DAGLA: variants seen among roughly 807,000 people sequenced by gnomAD.
DAGLA encodes diacylglycerol lipase alpha, also known as diacylglycerol lipase-alpha.
A neutral mutation model predicts 102.6 loss-of-function variants in DAGLA; 22 were observed. That is an observed-to-expected ratio of 0.21 (90% CI 0.15 to 0.31). DAGLA has a LOEUF of 0.31. Ranked by LOEUF, DAGLA falls within the 10% of genes least tolerant of loss-of-function variation. The pLI, the probability that DAGLA is intolerant of heterozygous loss-of-function variation, is 1.00. For missense variants in DAGLA, 927 were observed against 1,446.6 expected, an observed-to-expected ratio of 0.64 and a Z score of 5.83; for synonymous variants, 578 against 628.9, an observed-to-expected ratio of 0.92 and a Z score of 1.21.
At chr11:61,720,369 G>A in intron 2 of DAGLA, 119 bp downstream of exon 2, 1 of 991,504 alleles carries the variant, frequency 1.0e-6, no homozygotes, top group Non-Finnish European at 1.5e-6. Flanking sequence ...CATGCCCCCA[G>A]CTGCCCGGAG....
At chr11:61,739,421 G>T (rs1230870696) in intron 16 of DAGLA, 44 bp from the exon 17 acceptor site, 8 of 1,578,070 alleles carry the variant, frequency 5.1e-6, no homozygotes, top group Non-Finnish European at 5.2e-6. Context: ...CCCAGCCAGT[G>T]CTACTTAGCT....
chr11:61,698,845 G>A (rs528374980), intron 1 of DAGLA, among the ~76,000 whole-genome samples: 1 of 152,222 alleles, frequency 6.6e-6, no homozygotes, highest in African/African-American at 2.4e-5. Context: ...TCTGCCCTTG[G>A]GGGTTGGCGG....
chr11:61,735,679 C>G, intron 11 of DAGLA, 35 bp downstream of exon 11: 1 of 1,612,384 alleles, frequency 6.2e-7, no homozygotes, highest in Non-Finnish European at 8.5e-7. Flanking sequence ...CCCGGGGGTG[C>G]CTGCCTCCCT....
At chr11:61,699,741 A>G (rs1004092772) in intron 1 of DAGLA, among the ~76,000 whole-genome samples, 1 of 152,184 alleles carries the variant, frequency 6.6e-6, no homozygotes, top group African/African-American at 2.4e-5. Flanking sequence ...CCCTCCAAAT[A>G]CTGTAGGCAG....
intron 6 of DAGLA, among the ~76,000 whole-genome samples, chr11:61,726,891 G>T (rs1053877733): frequency 2.6e-5 from 4 of 152,254 alleles, no homozygotes; most frequent in Admixed American, 1.3e-4. Context: ...AGCCCCCGAG[G>T]TTCCCTGGTG....
At chr11:61,738,294 A>G (rs1463492589) in intron 16 of DAGLA, 87 bp downstream of exon 16, 2 of 1,163,962 alleles carry the variant, frequency 1.7e-6, no homozygotes, top group African/African-American at 3.0e-5. Context: ...ACAAAGCACA[A>G]GAGGCCCTGC....
intron 1 of DAGLA, among the ~76,000 whole-genome samples, chr11:61,719,062 C>T (rs1019832652): frequency 6.6e-6 from 1 of 152,338 alleles, no homozygotes; most frequent in South Asian, 2.1e-4. Flanking sequence ...GGTCCCCAGC[C>T]CCCTGCAGCA....
intron 9 of DAGLA, among the ~76,000 whole-genome samples, chr11:61,732,487 G>A (rs1249618743): frequency 3.3e-5 from 5 of 152,232 alleles, no homozygotes; most frequent in African/African-American, 9.6e-5. Flanking sequence ...CTCACTGGTG[G>A]TGTGGGGACA....
At chr11:61,685,497 G>A (rs2064980201) in intron 1 of DAGLA, among the ~76,000 whole-genome samples, 1 of 152,166 alleles carries the variant, frequency 6.6e-6, no homozygotes, top group Non-Finnish European at 1.5e-5. Flanking sequence ...TAGCCTTGAG[G>A]AATGTTTCCA....
At chr11:61,736,184 A>G (rs1409813303) in intron 12 of DAGLA, 86 bp from the exon 13 acceptor site, 1 of 1,127,596 alleles carries the variant, frequency 8.9e-7, no homozygotes. Context: ...TGGATGGGGC[A>G]GGGTTCCTGA....
chr11:61,687,442 A>C (rs1213176534), intron 1 of DAGLA, among the ~76,000 whole-genome samples: 1 of 151,752 alleles, frequency 6.6e-6, no homozygotes, highest in East Asian at 1.9e-4. Flanking sequence ...AGTGATTCTC[A>C]TGCCTCAGCC....
rs2065530436 is a variant in DAGLA, at chr11:61,745,683, G to T, written c.*1194G>T. The stretch of plus-strand genomic sequence containing the variant: ...CTGCTGGGTTTGGGAAGCAGTTAGG[G>T]AGATAGCGACCCGGAGTTTCCCCAG... On this transcript the variant is annotated 3_prime_UTR_variant, in exon 20 of 20. Coordinates refer to ENST00000257215, the MANE Select transcript of DAGLA (RefSeq NM_006133.3). 6.6e-6 allele frequency: 1 copy of T among 152,650 alleles called. No individual in the cohort carries two copies. Among genetic ancestry groups the T allele is most frequent in the African/African-American group, 2.4e-5 (1 of 41,436 alleles). The allele number at this position is 152,650 out of a possible 1,614,324, so 9.5% of individuals were successfully genotyped here.
chr11:61,682,389 G>C (rs1173785796), intron 1 of DAGLA, among the ~76,000 whole-genome samples: 3 of 152,168 alleles, frequency 2.0e-5, no homozygotes, highest in Non-Finnish European at 4.4e-5. Context: ...TTGAGGGCCT[G>C]TCATAGGGAA....
intron 1 of DAGLA, among the ~76,000 whole-genome samples, chr11:61,696,033 G>A (rs977746838): frequency 5.9e-5 from 9 of 152,336 alleles, no homozygotes; most frequent in Admixed American, 3.9e-4. Context: ...CGGAGGCCTC[G>A]CTCCAGGACT....
In DAGLA at chr11:61,744,331, T is replaced by G; in HGVS notation, c.2971T>G (p.Ser991Ala). ...CTCCTCGGGCATCTCACTCTCGCCC[T>G]CCTTCCCGCTCAGCTCCTCGGGTGA... ...DPSSGISLSP[S>A]FPLSSSGELM... is the part of the protein sequence containing the mutation. Residue 991 changes from serine (S) to alanine (A), a missense_variant, in exon 20 of 20, where the codon TCC (serine) becomes GCC (alanine). By Grantham distance (99) the Ser-to-Ala change is moderately conservative (BLOSUM62 1). Transcript: ENST00000257215. The G allele has an allele frequency of 6.2e-7, 1 of 1,612,512 alleles. No individual in the cohort carries two copies. Among genetic ancestry groups the G allele is most frequent in the Non-Finnish European group, 8.5e-7 (1 of 1,179,660 alleles).
Position 61,744,516 on chromosome 11 carries a change from C to T in DAGLA, c.*27C>T. 1 of 1,518,830 alleles carries T rather than the reference C, an allele frequency of 6.6e-7. No homozygotes were observed. The highest frequency in any genetic ancestry group is 2.3e-5 in the East Asian group (1 of 43,918). The allele number at this position is 1,518,830 out of a possible 1,614,324, so 94.1% of individuals were successfully genotyped here. On this transcript the variant is annotated 3_prime_UTR_variant, in exon 20 of 20. Transcript: ENST00000257215. ...ACCCCAGTTGCGTGGCCAGCCGGGC[C>T]CAGGCAGGAGCAGGTGGCCCTGTGG...
Position 61,737,331 on chromosome 11 carries a change from C to T in DAGLA, c.1514+7C>T. ...CGCCAGGGGGCCTGCTGAGGTGAGC[C>T]ATCTGGGGCTTCAGAGTTGGCTGGG... On this transcript the variant is annotated splice_region_variant and intron_variant, in intron 14 of 19. Coordinates refer to ENST00000257215, the MANE Select transcript of DAGLA (RefSeq NM_006133.3). The T allele has an allele frequency of 6.2e-7, 1 of 1,609,692 alleles. No individual in the cohort carries two copies. Among genetic ancestry groups the T allele is most frequent in the East Asian group, 2.2e-5 (1 of 44,888 alleles).
chr11:61,697,391 C>G (rs1385708094), intron 1 of DAGLA, among the ~76,000 whole-genome samples: 1 of 152,174 alleles, frequency 6.6e-6, no homozygotes, highest in Non-Finnish European at 1.5e-5. Context: ...TACCTCAGTC[C>G]TCGGAAATGC....
chr11:61,703,630 C>T (rs1169946978), intron 1 of DAGLA, among the ~76,000 whole-genome samples: 1 of 151,948 alleles, frequency 6.6e-6, no homozygotes, highest in Non-Finnish European at 1.5e-5. Context: ...GTGTGATGAA[C>T]AGTGTAGAAT....
Sources: allele counts gnomAD v4.1 joint callset (sites outside exome capture counted in the v4.1 genomes callset), GRCh38; gene constraint gnomAD v4.1.1; transcripts MANE v1.5; gene names NCBI Gene and HGNC (gene_info 2026-07-23, HGNC 2026-07-21).